The following RORA variants were observed in gnomAD, a reference collection of about 807,000 sequenced individuals.
The protein encoded by RORA is nuclear receptor ROR-alpha.
RORA carries 7 observed loss-of-function variants against 69.5 expected under a neutral mutation model. The ratio of observed to expected loss-of-function variants is 0.10; its 90% CI spans 0.06 to 0.19. RORA has a LOEUF of 0.19. RORA is among the 10% of genes least tolerant of loss of function. RORA has a pLI of 1.00. For missense variants in RORA, 457 were observed against 663.0 expected (o/e 0.69, Z 3.41); for synonymous variants, 261 against 240.8 (o/e 1.08, Z -0.78).
chr15:60,747,962 T>A (rs752013520), intron 1 of RORA, among the ~76,000 whole-genome samples: 6 of 152,194 alleles, frequency 3.9e-5, no homozygotes, highest in Admixed American at 1.3e-4. Flanking sequence ...AAAGCATCAT[T>A]TATATTGCAT....
chr15:61,070,179 C>T lies in RORA; in HGVS notation c.166+158874G>A, dbSNP rs533430236. On this transcript the variant is annotated intron_variant, in intron 1 of 10. Coordinates refer to ENST00000335670, the MANE Select transcript of RORA (RefSeq NM_134261.3). ...AAGTCCTCGATTTGCAAGCATCCAA[C>T]TTGTGCATGACTCAAATACAAAAAT... Among the ~76,000 whole-genome samples, 3 of 152,320 alleles carry T rather than the reference C, an allele frequency of 2.0e-5. No individual in the cohort carries two copies. The South Asian group carries it at 6.2e-4, about 32-fold the overall frequency.
chr15:60,861,890 C>A (rs2073438636), intron 1 of RORA, among the ~76,000 whole-genome samples: 1 of 152,212 alleles, frequency 6.6e-6, no homozygotes, highest in Non-Finnish European at 1.5e-5. Context: ...TCTATCCCAG[C>A]TATTACACTC....
intron 1 of RORA, among the ~76,000 whole-genome samples, chr15:60,974,845 C>T (rs1204749389): frequency 6.6e-6 from 1 of 152,192 alleles, no homozygotes; most frequent in East Asian, 1.9e-4. Flanking sequence ...GCTTACAGAA[C>T]CTTTGCAAAC....
At chr15:60,613,024 T>G (rs1700036135) in intron 2 of RORA, among the ~76,000 whole-genome samples, 2 of 150,642 alleles carry the variant, frequency 1.3e-5, no homozygotes, top group South Asian at 4.2e-4. Flanking sequence ...GTTCAGGAAT[T>G]TTTTTTTTTA....
chr15:61,109,287 T>C (rs1383383148), intron 1 of RORA, among the ~76,000 whole-genome samples: 1 of 152,128 alleles, frequency 6.6e-6, no homozygotes, highest in Non-Finnish European at 1.5e-5. Flanking sequence ...TACACAAGGG[T>C]AGGGTTTTGT....
intron 3 of RORA, among the ~76,000 whole-genome samples, chr15:60,517,638 T>A (rs2066009334): frequency 6.6e-6 from 1 of 152,174 alleles, no homozygotes; most frequent in Non-Finnish European, 1.5e-5. Flanking sequence ...GTCTAGGTAT[T>A]CATTTTCCCC....
intron 1 of RORA, among the ~76,000 whole-genome samples, chr15:61,114,166 G>A (rs1348052992): frequency 6.6e-6 from 1 of 152,132 alleles, no homozygotes; most frequent in African/African-American, 2.4e-5. Flanking sequence ...GAACTGGAGA[G>A]ACTTTTTTTT....
chr15:60,514,996 A>C (rs887846447), intron 3 of RORA, among the ~76,000 whole-genome samples: 3 of 152,194 alleles, frequency 2.0e-5, no homozygotes, highest in Non-Finnish European at 2.9e-5. Flanking sequence ...ACTTCAACAG[A>C]CAGTTGCCCA....
intron 1 of RORA, among the ~76,000 whole-genome samples, chr15:60,773,194 G>A (rs2072104646): frequency 1.3e-5 from 2 of 152,202 alleles, no homozygotes; most frequent in Non-Finnish European, 2.9e-5. Flanking sequence ...GGAACACAGG[G>A]AGTCACAGGC....
intron 1 of RORA, among the ~76,000 whole-genome samples, chr15:60,858,562 G>C (rs549836759): frequency 6.6e-6 from 1 of 152,034 alleles, no homozygotes; most frequent in African/African-American, 2.4e-5. Context: ...CTCATTTCTG[G>C]GTGGGAGGGA....
chr15:61,002,572 T>A (rs1028527539), intron 1 of RORA, among the ~76,000 whole-genome samples: 1 of 152,166 alleles, frequency 6.6e-6, no homozygotes, highest in East Asian at 1.9e-4. Flanking sequence ...GAAAAAAATA[T>A]GTTAGCGTCT....
In RORA at chr15:60,800,114, G is replaced by A. The variant is rs576636497; in HGVS notation, c.167-121428C>T. ...CGTTGGTTGCCCAAAACTGGCTACG[G>A]TGAGAGTATTTACACCACAGAAATT... On this transcript the variant is annotated intron_variant, in intron 1 of 10. Transcript: ENST00000335670. Among the ~76,000 whole-genome samples the A allele has an allele frequency of 3.9e-5, 6 of 152,304 alleles. No individual in the cohort carries two copies. In the East Asian group the frequency reaches 1.2e-3, roughly 29 times the overall value.
chr15:60,760,881 T>C (rs1320860827), intron 1 of RORA, among the ~76,000 whole-genome samples: 1 of 151,882 alleles, frequency 6.6e-6, no homozygotes, highest in Non-Finnish European at 1.5e-5. Context: ...CAGACACACA[T>C]ACAGGTGCCT....
intron 1 of RORA, chr15:60,686,812 G>C (rs2140766383): frequency 6.6e-6 from 1 of 152,434 alleles, no homozygotes; most frequent in African/African-American, 2.4e-5. Context: ...AGAACAGGTT[G>C]GATGAGGATG....
At chr15:60,552,782 G>A (rs977291138) in intron 2 of RORA, among the ~76,000 whole-genome samples, 2 of 152,212 alleles carry the variant, frequency 1.3e-5, no homozygotes, top group Non-Finnish European at 2.9e-5. Context: ...ACCCACAGAT[G>A]TCAAAGGAAT....
chr15:60,650,210 A>G (rs1007738614), intron 2 of RORA, among the ~76,000 whole-genome samples: 10 of 142,054 alleles, frequency 7.0e-5, no homozygotes, highest in South Asian at 2.2e-4. Flanking sequence ...AGGCCTGAGG[A>G]AAAAAAAAAA....
At chr15:60,906,830 T>A (rs1891557226) in intron 1 of RORA, among the ~76,000 whole-genome samples, 1 of 152,212 alleles carries the variant, frequency 6.6e-6, no homozygotes, top group Admixed American at 6.5e-5. Context: ...AAACTCATTA[T>A]TATTATTGGC....
chr15:60,564,290 A>C (rs2067655652), intron 2 of RORA, among the ~76,000 whole-genome samples: 1 of 152,232 alleles, frequency 6.6e-6, no homozygotes, highest in African/African-American at 2.4e-5. Context: ...AAAAGTGATC[A>C]TGCTTGTTCA....
At chr15:61,201,522 C>A (rs542579595) in intron 1 of RORA, among the ~76,000 whole-genome samples, 1 of 152,244 alleles carries the variant, frequency 6.6e-6, no homozygotes, top group South Asian at 2.1e-4. Context: ...TGATTTGCCT[C>A]GAGTCAGATT....
Sources: allele counts gnomAD v4.1 joint callset (sites outside exome capture counted in the v4.1 genomes callset), GRCh38; gene constraint gnomAD v4.1.1; transcripts MANE v1.5; gene names NCBI Gene and HGNC (gene_info 2026-07-23, HGNC 2026-07-21).